Variants in FAM117B observed in about 807,000 individuals in gnomAD.
FAM117B encodes protein FAM117B.
Under a neutral mutation model 52.8 loss-of-function variants are expected in FAM117B, and 22 were observed. The observed-to-expected ratio is 0.42, with a 90% CI of 0.30 to 0.59. The LOEUF is 0.59. FAM117B is among the 20% of genes least tolerant of loss of function. FAM117B has a pLI of 0.22. For synonymous variants in FAM117B, 309 were observed against 324.1 expected, an observed-to-expected ratio of 0.95 and a Z score of 0.50; for missense variants, 678 against 802.6, an observed-to-expected ratio of 0.84 and a Z score of 1.88.
intron 1 of FAM117B, among the ~76,000 whole-genome samples, chr2:202,654,257 T>C (rs1690020414): frequency 1.4e-5 from 2 of 144,520 alleles, no homozygotes; most frequent in South Asian, 5.0e-4. Flanking sequence ...CAGAAAAGTC[T>C]ACCTCAAAAA....
intron 1 of FAM117B, among the ~76,000 whole-genome samples, chr2:202,661,848 G>A (rs750575839): frequency 2.6e-5 from 4 of 151,430 alleles, no homozygotes; most frequent in Admixed American, 6.6e-5. Flanking sequence ...CCCGGGAGGC[G>A]GAGGTTGCAG....
chr2:202,759,209 A>AAG, intron 6 of FAM117B, 24 bp from the exon 7 acceptor site: 4 of 1,613,062 alleles, frequency 2.5e-6, no homozygotes, highest in Non-Finnish European at 3.4e-6. Context: ...TTTATGTAGT[A>AAG]ATCTAATGTG....
chr2:202,705,017 G>T (rs1690851484), intron 2 of FAM117B, among the ~76,000 whole-genome samples: 1 of 151,880 alleles, frequency 6.6e-6, no homozygotes, highest in African/African-American at 2.4e-5. Context: ...CATTTAAAAA[G>T]TTAAGAGGGC....
At chr2:202,739,431 C>G (rs990166970) in intron 4 of FAM117B, among the ~76,000 whole-genome samples, 2 of 149,030 alleles carry the variant, frequency 1.3e-5, no homozygotes, top group African/African-American at 4.9e-5. Context: ...GTCTGTCTGT[C>G]CTTCCCTCCC....
At position 202,635,090 on chromosome 2, in the gene FAM117B, CTTGGGGGGCCT is replaced by C; in HGVS notation, c.-97_-87del. 21 of 1,243,900 alleles carry C rather than the reference CTTGGGGGGCCT, an allele frequency of 1.7e-5. No homozygotes were observed. The highest frequency in any genetic ancestry group is 2.1e-5 in the Non-Finnish European group (21 of 992,314). The allele number at this position is 1,243,900 out of a possible 1,614,324, so 77.1% of individuals were successfully genotyped here. On this transcript the variant is annotated 5_prime_UTR_variant, in exon 1 of 8. Transcript: ENST00000392238. The stretch of plus-strand genomic sequence containing the variant: ...CCGGAGTCCGGCTTCGTCACCCCGT[CTTGGGGGGCCT>C]GCCCTCCGGCCTCGAGAATCCTCCC...
In FAM117B at chr2:202,644,059, TTTTTG is replaced by T. The variant is rs1399539784; in HGVS notation, c.601+8276_601+8280del. Reference sequence around the variant, plus strand: ...TACTACTGCTTTAGGAGCTGTTTTTTTTTTGTTTTTTTTTTTTTTTTTTTTCAGTT... The same window carrying T: ...TACTACTGCTTTAGGAGCTGTTTTTTTTTTTTTTTTTTTTTTTTTTCAGTT... On this transcript the variant is annotated intron_variant, in intron 1 of 7. Coordinates refer to ENST00000392238, the MANE Select transcript of FAM117B (RefSeq NM_173511.4). Among the ~76,000 whole-genome samples the T allele has an allele frequency of 1.1e-3, 154 of 135,410 alleles. 16 individuals are homozygous for T. Among genetic ancestry groups the T allele is most frequent in the African/African-American group, 4.4e-3 (150 of 34,332 alleles). 88.8% of individuals were successfully genotyped at this position (135,410 alleles called of 152,430 possible). A position where few individuals can be genotyped will look rare whatever the true frequency, so the allele number is the denominator to read the frequency against.
intron 2 of FAM117B, among the ~76,000 whole-genome samples, chr2:202,703,923 A>G (rs888831683): frequency 3.3e-5 from 5 of 152,162 alleles, no homozygotes; most frequent in African/African-American, 9.7e-5. Context: ...ATCATTTTCT[A>G]TCCCCATGTA....
chr2:202,724,667 T>TGTAGTATAATTATAATTATGTAAAA (rs2105786934), intron 2 of FAM117B, among the ~76,000 whole-genome samples: 1 of 152,306 alleles, frequency 6.6e-6, no homozygotes, highest in East Asian at 1.9e-4. Flanking sequence ...ATGCTTTATT[T>TGTAGTATAATTATAATTATGTAAAA]GTAGTATAAT....
intron 1 of FAM117B, among the ~76,000 whole-genome samples, chr2:202,639,837 A>G (rs1004954119): frequency 6.6e-6 from 1 of 152,186 alleles, no homozygotes. Flanking sequence ...AACATAAATT[A>G]CCAGTGTAGG....
At chr2:202,711,228 C>G (rs1413212997) in intron 2 of FAM117B, among the ~76,000 whole-genome samples, 2 of 152,004 alleles carry the variant, frequency 1.3e-5, no homozygotes, top group Non-Finnish European at 2.9e-5. Flanking sequence ...TTTGTTATTG[C>G]CCGGCTTTTG....
chr2:202,714,957 C>T (rs567458935), intron 2 of FAM117B, among the ~76,000 whole-genome samples: 3 of 152,322 alleles, frequency 2.0e-5, no homozygotes, highest in African/African-American at 7.2e-5. Context: ...CAGCAACCAT[C>T]CGATTTCTCA....
At chr2:202,640,508 G>C (rs1689755223) in intron 1 of FAM117B, among the ~76,000 whole-genome samples, 1 of 151,174 alleles carries the variant, frequency 6.6e-6, no homozygotes, top group African/African-American at 2.4e-5. Flanking sequence ...ACTTATATTT[G>C]TGTCATCTTT....
chr2:202,686,945 G>T (rs1380806928), intron 1 of FAM117B, among the ~76,000 whole-genome samples: 2 of 152,042 alleles, frequency 1.3e-5, no homozygotes, highest in Non-Finnish European at 2.9e-5. Flanking sequence ...TTAAGGAATT[G>T]TCTCATGCAC....
At chr2:202,668,643 TAAATAAATA>T (rs1302022406) in intron 1 of FAM117B, among the ~76,000 whole-genome samples, 1 of 149,726 alleles carries the variant, frequency 6.7e-6, no homozygotes, top group African/African-American at 2.5e-5. Flanking sequence ...AATAAATAAA[TAAATAAATA>T]AAATAAAAGA....
chr2:202,744,186 A>T (rs917147156), intron 4 of FAM117B, among the ~76,000 whole-genome samples: 1 of 152,196 alleles, frequency 6.6e-6, no homozygotes, highest in Non-Finnish European at 1.5e-5. Context: ...GTAAAAGAAT[A>T]CCCAAGGCTG....
At chr2:202,697,110 C>G (rs999827160) in intron 2 of FAM117B, among the ~76,000 whole-genome samples, 1 of 152,030 alleles carries the variant, frequency 6.6e-6, no homozygotes, top group Non-Finnish European at 1.5e-5. Context: ...TTCAGGTCTA[C>G]CCCTTAGTTT....
At chr2:202,661,435 C>T (rs1690126008) in intron 1 of FAM117B, among the ~76,000 whole-genome samples, 1 of 152,104 alleles carries the variant, frequency 6.6e-6, no homozygotes, top group South Asian at 2.1e-4. Context: ...AACTATAATG[C>T]TAAGTGTTTT....
intron 1 of FAM117B, among the ~76,000 whole-genome samples, chr2:202,665,096 A>G (rs974680238): frequency 6.6e-6 from 1 of 151,918 alleles, no homozygotes. Context: ...AGATGACTGC[A>G]TTGTCGTGGA....
intron 1 of FAM117B, among the ~76,000 whole-genome samples, chr2:202,684,283 A>T (rs1284861065): frequency 2.6e-5 from 4 of 152,192 alleles, no homozygotes; most frequent in Non-Finnish European, 5.9e-5. Context: ...GTAGTAAAAA[A>T]ATCAATATAC....
Sources: allele counts gnomAD v4.1 joint callset (sites outside exome capture counted in the v4.1 genomes callset), GRCh38; gene constraint gnomAD v4.1.1; transcripts MANE v1.5; gene names NCBI Gene and HGNC (gene_info 2026-07-23, HGNC 2026-07-21).